The following KIAA1210 variants were observed in gnomAD, a reference collection of about 807,000 sequenced individuals.
KIAA1210 encodes KIAA1210.
Under a neutral mutation model 78.9 loss-of-function variants are expected in KIAA1210, and 48 were observed. That is an observed-to-expected ratio of 0.61 (90% CI 0.48 to 0.77). The LOEUF is 0.77. Ranked by LOEUF, KIAA1210 falls within the 30% of genes least tolerant of loss-of-function variation. The pLI is 0.00. For missense variants in KIAA1210, 1,108 were observed against 1,100.0 expected (o/e 1.01, Z -0.10); for synonymous variants, 406 against 404.5 (o/e 1.00, Z -0.04).
chrX:119,115,403 C>A (rs1384191431), intron 3 of KIAA1210, among the ~76,000 whole-genome samples: 1 of 111,599 alleles, frequency 9.0e-6, no homozygotes, highest in Admixed American at 9.5e-5. Flanking sequence ...CTGAACACTG[C>A]AAGGCAATGG....
intron 1 of KIAA1210, among the ~76,000 whole-genome samples, chrX:119,123,963 G>T (rs1204496454): frequency 1.8e-5 from 2 of 111,409 alleles, no homozygotes; most frequent in African/African-American, 6.5e-5. Flanking sequence ...AAGTGTACAA[G>T]ATTTCTTTTT....
intron 7 of KIAA1210, among the ~76,000 whole-genome samples, chrX:119,094,650 G>A (rs1033676111): frequency 8.9e-6 from 1 of 111,989 alleles, no homozygotes; most frequent in African/African-American, 3.3e-5. Context: ...AAGGGACCAG[G>A]AGAAACCTCC....
chrX:119,115,314 G>T (rs371844288), intron 3 of KIAA1210, among the ~76,000 whole-genome samples: 3 of 111,017 alleles, frequency 2.7e-5, no homozygotes, highest in East Asian at 5.7e-4. Flanking sequence ...GAGAAATGTA[G>T]AACTTTAGCA....
intron 3 of KIAA1210, 85 bp from the exon 4 acceptor site, chrX:119,109,287 A>T: frequency 1.1e-6 from 1 of 931,307 alleles, no homozygotes; most frequent in Non-Finnish European, 1.5e-6. Flanking sequence ...ATGGCCTACC[A>T]TAGATACCTC....
rs755559273 is a variant in KIAA1210 at position 119,079,319 on chromosome X, A to G, written c.*2010T>C. ...CAAAGCAGCACAGTGTAACAGAGGC[A>G]GACACAGTGATAACTACTCAGAAGT... is the stretch of plus-strand genomic sequence containing the variant. On this transcript the variant is annotated 3_prime_UTR_variant, in exon 12 of 12. Transcript: ENST00000691062. The G allele has an allele frequency of 8.9e-6, 1 of 111,994 alleles. No homozygotes were observed. Among genetic ancestry groups the G allele is most frequent in the South Asian group, 3.8e-4 (1 of 2,642 alleles). 9.2% of individuals were successfully genotyped at this position (111,994 alleles called of 1,213,427 possible).
At chrX:119,126,124 A>G (rs1928638378) in intron 1 of KIAA1210, among the ~76,000 whole-genome samples, 1 of 103,794 alleles carries the variant, frequency 9.6e-6, no homozygotes, top group Non-Finnish European at 1.9e-5. Context: ...AGACATAGCT[A>G]TGCTGCCATT....
In KIAA1210 at chrX:119,087,543, T is replaced by C; in HGVS notation, c.3159A>G (p.Leu1053=). The C allele has an allele frequency of 1.7e-6, 2 of 1,211,503 alleles. No homozygotes were observed. The highest frequency in any genetic ancestry group is 2.2e-6 in the Non-Finnish European group (2 of 895,424). The change falls in exon 9 of 12, where the codon TTA becomes TTG. Residue 1053 remains leucine (L), a synonymous_variant. Transcript: ENST00000691062. ...CTTGGTGCTTGACTTCAGGCTTTGA[T>C]AAAGATTTGGAAGGAAGATTGGGAG... ...PLPPNLPSKS[L]SKPEVKHQVF... is the part of the protein sequence containing the mutation.
At chrX:119,123,744 T>C in intron 1 of KIAA1210, 92 bp from the exon 2 acceptor site, 1 of 528,865 alleles carries the variant, frequency 1.9e-6, no homozygotes, top group Non-Finnish European at 3.1e-6. Context: ...TATCCTTCAG[T>C]TATATTCTTA....
chrX:119,085,193 T>C (rs1927090481), intron 10 of KIAA1210, among the ~76,000 whole-genome samples, 190 bp downstream of exon 10: 1 of 112,326 alleles, frequency 8.9e-6, no homozygotes, highest in Non-Finnish European at 1.9e-5. Context: ...GCACAAACCC[T>C]TTAAGAGCAT....
chrX:119,147,673 C>CT, intron 1 of KIAA1210: 3 of 908,333 alleles, frequency 3.3e-6, no homozygotes, highest in African/African-American at 8.7e-5. Flanking sequence ...TAAGAGCTAG[C>CT]CCTGGGCCAC....
chrX:119,116,389 G>A (rs1192086262), intron 3 of KIAA1210, 107 bp downstream of exon 3: 1 of 786,002 alleles, frequency 1.3e-6, no homozygotes, highest in East Asian at 3.3e-5. Flanking sequence ...GCCCCCACAG[G>A]TGGGGACTCT....
chrX:119,139,694 C>A (rs752523554), intron 2 of KIAA1210, among the ~76,000 whole-genome samples: 1 of 111,905 alleles, frequency 8.9e-6, no homozygotes, highest in African/African-American at 3.2e-5. Flanking sequence ...CACAACTGCA[C>A]TTGTACCTCC....
intron 3 of KIAA1210, among the ~76,000 whole-genome samples, chrX:119,112,105 T>C (rs953674818): frequency 1.8e-5 from 2 of 110,916 alleles, no homozygotes; most frequent in African/African-American, 6.6e-5. Flanking sequence ...GCATCCCCGC[T>C]TGCACTCTCT....
Position 119,085,406 on chromosome X carries a change from C to T in KIAA1210, c.4297G>A (p.Glu1433Lys). Residue 1433 changes from glutamate (E) to lysine (K), a missense_variant, in exon 10 of 12, where the codon GAG (glutamate) becomes AAG (lysine). Physicochemically the swap from Glu to Lys is moderately conservative, Grantham distance 56 (BLOSUM62 1). Transcript: ENST00000691062. Reference protein sequence around the residue: ...KTKSNAGADAETKEPKYEGAG... With the variant: ...KTKSNAGADAKTKEPKYEGAG... ...ACCTCATATTTAGGCTCCTTAGTCT[C>T]AGCATCGGCTCCAGCATTGCTCTTA... 2 of 1,211,001 alleles carry T rather than the reference C, an allele frequency of 1.7e-6. No individual in the cohort carries two copies.
chrX:119,150,325 G>T, exon 1 of KIAA1210: 1 of 1,207,567 alleles, frequency 8.3e-7, no homozygotes, highest in Non-Finnish European at 1.1e-6. Context: ...GCGGTGTGCA[G>T]GGCAGGAAGC....
chrX:119,089,518 C>T lies in KIAA1210; in HGVS notation c.1184G>A (p.Gly395Glu). ...SEGYGLGDRA[G>E]SSPTNKTARN... ...GGCAGTCTTATTGGTAGGTGAAGAC[C>T]CAGCTCTATCGCCCAGGCCATACCC... The change falls in exon 9 of 12, where the codon GGG becomes GAG. Residue 395 changes from glycine to glutamate, a missense_variant. Around this residue, in one of 5 missense-constraint regions of KIAA1210, gnomAD observed 672 missense variants for 607.1 expected, o/e 1.11. Transcript: ENST00000691062. 8.3e-7 allele frequency: 1 copy of T among 1,211,232 alleles called. No individual in the cohort carries two copies. The highest frequency in any genetic ancestry group is 1.8e-5 in the South Asian group (1 of 56,902).
At chrX:119,139,715 AAAATAAT>A (rs1398663946) in intron 2 of KIAA1210, among the ~76,000 whole-genome samples, 4 of 111,963 alleles carry the variant, frequency 3.6e-5, no homozygotes, top group Non-Finnish European at 7.5e-5. Context: ...TACATCTATA[AAAATAAT>A]AAATAATAAA....
chrX:119,088,614 G>A lies in KIAA1210; in HGVS notation c.2088C>T (p.Asp696=), dbSNP rs759485627. 15 of 1,209,834 alleles carry A rather than the reference G, an allele frequency of 1.2e-5. No homozygotes were observed. Among genetic ancestry groups the A allele is most frequent in the African/African-American group, 1.2e-4 (7 of 57,219 alleles). The change falls in exon 9 of 12, where the codon GAC becomes GAT. Residue 696 remains aspartate, a synonymous_variant. Transcript: ENST00000691062. ...TSDDCSSSEE[D]LPLRHPAQAL... ...CCTGAGCAGGGTGTCTGAGAGGCAG[G>A]TCTTCCTCTGAGCTGCTGCAATCAT...
Position 119,083,025 on chromosome X carries a change from A to C in KIAA1210, c.4416T>G (p.Pro1472=), listed in dbSNP as rs866002115. ...AATGTATGCTTTTACCTGATTTTGT[A>C]GGCTTAGGTGGCTTCATCTGTGCTG... ...EKTAQMKPPK[P]TKSVGFEAQK... is the part of the protein sequence containing the mutation. Residue 1472 remains proline (P), a synonymous_variant, in exon 11 of 12, where the codon CCT becomes CCG. Coordinates refer to ENST00000691062, the MANE Select transcript of KIAA1210 (RefSeq NM_001394962.1). 5 of 1,185,278 alleles carry C rather than the reference A, an allele frequency of 4.2e-6. No individual in the cohort carries two copies. Among genetic ancestry groups the C allele is most frequent in the African/African-American group, 1.8e-5 (1 of 57,030 alleles).
Sources: allele counts gnomAD v4.1 joint callset (sites outside exome capture counted in the v4.1 genomes callset), GRCh38; gene constraint gnomAD v4.1.1; regional missense constraint gnomAD v4.1.1; transcripts MANE v1.5; gene names NCBI Gene and HGNC (gene_info 2026-07-23, HGNC 2026-07-21).